The following KMT2E variants were observed in gnomAD, a reference collection of about 807,000 sequenced individuals.
The protein encoded by KMT2E is lysine methyltransferase 2E (inactive), also known as histone reader KMT2E.
A neutral mutation model predicts 184.6 loss-of-function variants in KMT2E; 30 were observed. The ratio of observed to expected loss-of-function variants is 0.16; its 90% CI spans 0.12 to 0.22. KMT2E has a LOEUF of 0.22. KMT2E is among the 10% of genes least tolerant of loss of function. The pLI, the probability that KMT2E is intolerant of heterozygous loss-of-function variation, is 1.00. For missense variants in KMT2E, 2,023 were observed against 2,237.4 expected, an observed-to-expected ratio of 0.90 and a Z score of 1.93; for synonymous variants, 815 against 776.5, an observed-to-expected ratio of 1.05 and a Z score of -0.82.
At chr7:105,106,119 GTA>G (rs1035927834) in intron 19 of KMT2E, 116 bp downstream of exon 19, 17 of 1,059,142 alleles carry the variant, frequency 1.6e-5, no homozygotes, top group Non-Finnish European at 2.2e-5. Flanking sequence ...GCACATTGGT[GTA>G]TAGATTTTCT....
At chr7:105,105,729 G>A in intron 18 of KMT2E, 36 bp downstream of exon 18, 3 of 1,580,940 alleles carry the variant, frequency 1.9e-6, no homozygotes, top group Non-Finnish European at 2.6e-6. Flanking sequence ...TGTAGAATGA[G>A]CCAAATGCCA....
intron 21 of KMT2E, 49 bp downstream of exon 21, chr7:105,107,271 C>T: frequency 6.7e-7 from 1 of 1,495,110 alleles, no homozygotes; most frequent in Admixed American, 2.1e-5. Flanking sequence ...TTTCCTATTA[C>T]ATTGTTTTCC....
chr7:105,029,774 C>G (rs1454358180), intron 1 of KMT2E, among the ~76,000 whole-genome samples: 1 of 150,994 alleles, frequency 6.6e-6, no homozygotes, highest in African/African-American at 2.4e-5. Flanking sequence ...AGATATACAT[C>G]CAATAGATGA....
intron 1 of KMT2E, among the ~76,000 whole-genome samples, chr7:105,016,357 C>A (rs539919928): frequency 1.4e-4 from 21 of 152,218 alleles, no homozygotes; most frequent in Non-Finnish European, 2.5e-4. Flanking sequence ...AATCGTCTTA[C>A]AGCATACTAT....
intron 3 of KMT2E, among the ~76,000 whole-genome samples, chr7:105,049,784 C>T (rs948080879): frequency 1.3e-5 from 2 of 151,868 alleles, no homozygotes; most frequent in Non-Finnish European, 1.5e-5. Flanking sequence ...CCCAGCTACT[C>T]GGAGGCACAC....
At chr7:105,111,039 A>G (rs1183479004) in intron 26 of KMT2E, 171 bp downstream of exon 26, 1 of 598,958 alleles carries the variant, frequency 1.7e-6, no homozygotes, top group South Asian at 2.1e-5. Context: ...TGTTCTTCTT[A>G]CTGAACATGT....
At position 105,052,733 on chromosome 7, in the gene KMT2E, T is replaced by A. The variant is rs74702532; in HGVS notation, c.72-9431T>A. ...ACCACCACACCCAGCTAATTTTTTT[T>A]TTTATTTTTTTATTTTTTTTATTTT... On this transcript the variant is annotated intron_variant, in intron 3 of 26. Transcript: ENST00000311117. Among the ~76,000 whole-genome samples, 1,025 of 151,502 alleles carry A rather than the reference T, an allele frequency of 6.8e-3. 32 individuals carry two copies. Among genetic ancestry groups the A allele is most frequent in the East Asian group, 0.067 (347 of 5,152 alleles).
rs748714564 is a variant in KMT2E, at chr7:105,110,515, G to A, written c.3883G>A (p.Val1295Ile). 6.2e-7 allele frequency: 1 copy of A among 1,614,112 alleles called. No individual in the cohort carries two copies. The highest frequency in any genetic ancestry group is 8.5e-7 in the Non-Finnish European group (1 of 1,180,014). ...ATGTGTCTCATGTTCACCGAGTCAT[G>A]TTCAGTCTTCACCTTCATCTCATTC... Reference protein sequence around the residue: ...SPCVSCSPSHVQSSPSSHSNH... With the variant: ...SPCVSCSPSHIQSSPSSHSNH... Residue 1295 changes from valine to isoleucine, a missense_variant, in exon 25 of 27, where the codon GTT (valine) becomes ATT (isoleucine). Val to Ile is a conservative substitution (Grantham distance 29, BLOSUM62 3). This residue lies in a region of KMT2E where 1,108 missense variants were observed against 1,050.9 expected (regional missense o/e 1.05). Coordinates refer to ENST00000311117, the MANE Select transcript of KMT2E (RefSeq NM_182931.3).
At chr7:105,019,641 GGT>G (rs1794863521) in intron 1 of KMT2E, among the ~76,000 whole-genome samples, 1 of 151,994 alleles carries the variant, frequency 6.6e-6, no homozygotes, top group Admixed American at 6.6e-5. Context: ...ATGAAATCTG[GGT>G]TTAGAAAGGA....
intron 3 of KMT2E, among the ~76,000 whole-genome samples, chr7:105,060,828 G>C (rs935032295): frequency 6.6e-6 from 1 of 152,118 alleles, no homozygotes; most frequent in African/African-American, 2.4e-5. Flanking sequence ...ACGATATTCA[G>C]CGCATAACAT....
At chr7:105,033,697 C>T (rs1353358060) in intron 1 of KMT2E, among the ~76,000 whole-genome samples, 8 of 152,018 alleles carry the variant, frequency 5.3e-5, no homozygotes, top group Non-Finnish European at 1.2e-4. Context: ...GATGGGGTTT[C>T]GCTGTGTTAG....
chr7:105,068,882 G>T (rs2129567595), intron 6 of KMT2E, among the ~76,000 whole-genome samples: 1 of 152,218 alleles, frequency 6.6e-6, no homozygotes, highest in East Asian at 1.9e-4. Context: ...TCAGAATAAT[G>T]AAAAATTAAG....
In KMT2E at chr7:105,112,406, ACCT is replaced by A; in HGVS notation, c.4654_4656del (p.Pro1552del). The A allele has an allele frequency of 6.2e-7, 1 of 1,611,302 alleles. No individual in the cohort carries two copies. Among genetic ancestry groups the A allele is most frequent in the Non-Finnish European group, 8.5e-7 (1 of 1,179,288 alleles). On this transcript the variant is annotated inframe_deletion, in exon 27 of 27. Coordinates refer to ENST00000311117, the MANE Select transcript of KMT2E (RefSeq NM_182931.3). ...CGGCACCACCCCCTCCACCTCCTCC[ACCT>A]CCTTCTTCGTCTTACTATCAAAACC...
intron 6 of KMT2E, among the ~76,000 whole-genome samples, chr7:105,071,934 T>G (rs776012839): frequency 1.2e-4 from 19 of 152,056 alleles, no homozygotes; most frequent in Non-Finnish European, 2.6e-4. Context: ...GTGGTTTTGT[T>G]TCCCTTTGAT....
chr7:105,028,012 G>T (rs776678300), intron 1 of KMT2E, among the ~76,000 whole-genome samples: 28 of 152,050 alleles, frequency 1.8e-4, no homozygotes, highest in Non-Finnish European at 4.0e-4. Context: ...GATTGGAATT[G>T]ATTATTATCA....
At chr7:105,058,530 A>G (rs1027905759) in intron 3 of KMT2E, among the ~76,000 whole-genome samples, 3 of 152,208 alleles carry the variant, frequency 2.0e-5, no homozygotes, top group African/African-American at 7.2e-5. Context: ...AGAAGCAGTC[A>G]GCACCTAAGT....
chr7:105,047,839 A>G (rs1405404279), intron 3 of KMT2E, among the ~76,000 whole-genome samples: 3 of 152,220 alleles, frequency 2.0e-5, no homozygotes, highest in African/African-American at 7.2e-5. Context: ...AACAAAATAT[A>G]TAAAACAGAT....
chr7:105,110,393 G>C, intron 24 of KMT2E, 25 bp downstream of exon 24: 1 of 1,613,926 alleles, frequency 6.2e-7, no homozygotes. Context: ...TCCTTCACCA[G>C]AAAGTGGAAT....
chr7:105,067,471 A>G (rs1325719526), intron 6 of KMT2E, among the ~76,000 whole-genome samples: 2 of 152,160 alleles, frequency 1.3e-5, no homozygotes, highest in Non-Finnish European at 2.9e-5. Context: ...AAAATAATAC[A>G]TAATAAACTC....
Sources: gnomAD v4.1 joint callset for allele counts (sites outside exome capture counted in the v4.1 genomes callset) on GRCh38, gnomAD v4.1.1 for gene constraint, gnomAD v4.1.1 regional missense constraint, MANE v1.5 for transcripts, NCBI Gene and HGNC (gene_info 2026-07-23, HGNC 2026-07-21) for gene names.